FBXL7: variants seen among roughly 807,000 people sequenced by gnomAD.
The protein encoded by FBXL7 is F-box/LRR-repeat protein 7.
FBXL7 carries 12 observed loss-of-function variants against 38.3 expected under a neutral mutation model. The ratio of observed to expected loss-of-function variants is 0.31; its 90% CI spans 0.20 to 0.51. The LOEUF is 0.51. Ranked by LOEUF, FBXL7 falls within the 20% of genes least tolerant of loss-of-function variation. The probability of loss-of-function intolerance (pLI) is 0.98; values close to 1 mark genes in which losing one functional copy is unlikely to be tolerated. For missense variants in FBXL7, 567 were observed against 676.4 expected (o/e 0.84, Z 1.79); for synonymous variants, 297 against 300.9 (o/e 0.99, Z 0.13).
At chr5:15,620,750 G>A (rs571748076) in intron 2 of FBXL7, among the ~76,000 whole-genome samples, 7 of 152,192 alleles carry the variant, frequency 4.6e-5, no homozygotes, top group Admixed American at 3.3e-4. Flanking sequence ...AGCCTGGCAC[G>A]TGGTGCCTGG....
At chr5:15,620,987 C>G (rs1740622900) in intron 2 of FBXL7, among the ~76,000 whole-genome samples, 1 of 152,200 alleles carries the variant, frequency 6.6e-6, no homozygotes, top group Non-Finnish European at 1.5e-5. Flanking sequence ...ACTTTATGAT[C>G]TTCCTGTCTA....
At chr5:15,732,635 GGTACATA>G (rs1271012310) in intron 2 of FBXL7, among the ~76,000 whole-genome samples, 12 of 152,082 alleles carry the variant, frequency 7.9e-5, no homozygotes, top group Admixed American at 6.6e-4. Flanking sequence ...TCAGAATGAT[GGTACATA>G]GTTCATATAT....
chr5:15,696,289 A>G (rs73755514), intron 2 of FBXL7, among the ~76,000 whole-genome samples: 8,082 of 152,136 alleles, frequency 0.053, 224 homozygotes, highest in East Asian at 0.083. Flanking sequence ...GTAAAACAAC[A>G]TTGTCGTGCT....
chr5:15,891,746 A>G (rs548475597), intron 2 of FBXL7, among the ~76,000 whole-genome samples: 2 of 152,206 alleles, frequency 1.3e-5, no homozygotes, highest in African/African-American at 4.8e-5. Flanking sequence ...TGGCACATTC[A>G]AAGGAGAAAT....
chr5:15,533,541 T>C (rs556490314), intron 1 of FBXL7, among the ~76,000 whole-genome samples: 231 of 152,284 alleles, frequency 1.5e-3, no homozygotes, highest in Non-Finnish European at 2.5e-3. Flanking sequence ...AAAAAAGAAC[T>C]GATTGAATCA....
At chr5:15,604,863 G>A (rs1739953316) in intron 1 of FBXL7, among the ~76,000 whole-genome samples, 1 of 152,100 alleles carries the variant, frequency 6.6e-6, no homozygotes, top group South Asian at 2.1e-4. Flanking sequence ...AGAAAGTGAT[G>A]AGTCCCCATT....
chr5:15,589,314 T>C (rs1427476645), intron 1 of FBXL7, among the ~76,000 whole-genome samples: 1 of 152,134 alleles, frequency 6.6e-6, no homozygotes, highest in Non-Finnish European at 1.5e-5. Flanking sequence ...TGGGGGATGA[T>C]TGAATCTCGG....
At chr5:15,769,424 T>A (rs1168791037) in intron 2 of FBXL7, among the ~76,000 whole-genome samples, 2 of 152,174 alleles carry the variant, frequency 1.3e-5, no homozygotes, top group Admixed American at 1.3e-4. Context: ...CCTTCACTAA[T>A]CCATGCGCTA....
intron 2 of FBXL7, among the ~76,000 whole-genome samples, chr5:15,685,289 A>G (rs1191634528): frequency 2.0e-5 from 3 of 152,160 alleles, no homozygotes; most frequent in East Asian, 1.9e-4. Flanking sequence ...AAATATACCA[A>G]TGCATCTTGC....
Position 15,835,532 on chromosome 5 carries a change from G to A in FBXL7, c.128-92358G>A, listed in dbSNP as rs991559850. 4.6e-5 allele frequency among the ~76,000 whole-genome samples: 7 copies of A among 152,124 alleles called. No individual in the cohort carries two copies. In the East Asian group the frequency reaches 9.6e-4, roughly 21 times the overall value. The stretch of plus-strand genomic sequence containing the variant: ...GACTTTTTTTGAATGTCTACTAAGC[G>A]TTTTACTTGACACATGCTTCTCAGC... On this transcript the variant is annotated intron_variant, in intron 2 of 3. Coordinates refer to ENST00000504595, the MANE Select transcript of FBXL7 (RefSeq NM_012304.5).
At chr5:15,564,378 C>CTGTGTGTGTGTG (rs33993480) in intron 1 of FBXL7, among the ~76,000 whole-genome samples, 21 of 147,392 alleles carry the variant, frequency 1.4e-4, no homozygotes, top group African/African-American at 3.8e-4. Context: ...TCAGTAATAT[C>CTGTGTGTGTGTG]TGTGTGTGTG....
At chr5:15,693,559 G>A (rs1275519691) in intron 2 of FBXL7, among the ~76,000 whole-genome samples, 1 of 152,138 alleles carries the variant, frequency 6.6e-6, no homozygotes, top group East Asian at 1.9e-4. Context: ...GTGAGAATAG[G>A]CACTCTTGTT....
intron 2 of FBXL7, among the ~76,000 whole-genome samples, chr5:15,650,216 C>T (rs921573605): frequency 6.6e-6 from 1 of 152,148 alleles, no homozygotes; most frequent in Non-Finnish European, 1.5e-5. Flanking sequence ...TCCAGACCAC[C>T]ACAATAAAGC....
In FBXL7 at chr5:15,937,268, A is replaced by G. The variant is rs1356143482; in HGVS notation, c.*82A>G. ...TTAAAAGCAGCGTATGTAAGCACCG[A>G]CACCCACTCAAAACAGCTCTTTCTT... On this transcript the variant is annotated 3_prime_UTR_variant, in exon 4 of 4. Coordinates refer to ENST00000504595, the MANE Select transcript of FBXL7 (RefSeq NM_012304.5). 40 of 1,413,532 alleles carry G rather than the reference A, an allele frequency of 2.8e-5. No individual in the cohort carries two copies. Among genetic ancestry groups the G allele is most frequent in the Non-Finnish European group, 3.6e-5 (39 of 1,076,340 alleles). 87.6% of individuals were successfully genotyped at this position (1,413,532 alleles called of 1,614,324 possible).
chr5:15,805,764 A>C (rs1447111220), intron 2 of FBXL7, among the ~76,000 whole-genome samples: 1 of 152,234 alleles, frequency 6.6e-6, no homozygotes, highest in East Asian at 1.9e-4. Context: ...TAAGTTCTTC[A>C]TGATAACTTA....
At chr5:15,622,463 G>A (rs1740685214) in intron 2 of FBXL7, among the ~76,000 whole-genome samples, 1 of 152,086 alleles carries the variant, frequency 6.6e-6, no homozygotes, top group Non-Finnish European at 1.5e-5. Context: ...AGGCCCCGGT[G>A]TGTGATGTTC....
chr5:15,545,935 G>A (rs1310962744), intron 1 of FBXL7, among the ~76,000 whole-genome samples: 3 of 152,154 alleles, frequency 2.0e-5, no homozygotes, highest in African/African-American at 7.2e-5. Flanking sequence ...CTAGCCACAG[G>A]TGGCTACTGA....
chr5:15,591,288 G>C (rs1739466760), intron 1 of FBXL7, among the ~76,000 whole-genome samples: 1 of 152,092 alleles, frequency 6.6e-6, no homozygotes, highest in East Asian at 1.9e-4. Flanking sequence ...AGTTAGCTGG[G>C]CATGGTGGCG....
rs530958389 is a variant in FBXL7, at chr5:15,939,258, A to G, written c.*2072A>G. On this transcript the variant is annotated 3_prime_UTR_variant, in exon 4 of 4. Coordinates refer to ENST00000504595, the MANE Select transcript of FBXL7 (RefSeq NM_012304.5). Reference sequence around the variant, plus strand: ...GCCACAGAGTTTAAAACCATGAAAGAAGTTGAAGGCAGCATTCCTCAGCTC... The same window carrying G: ...GCCACAGAGTTTAAAACCATGAAAGGAGTTGAAGGCAGCATTCCTCAGCTC... 2.8e-5 allele frequency: 11 copies of G among 389,868 alleles called. No homozygotes were observed. The Admixed American group carries it at 4.0e-4, about 14-fold the overall frequency. The allele number at this position is 389,868 out of a possible 1,614,324, so 24.2% of individuals were successfully genotyped here. A position where few individuals can be genotyped will look rare whatever the true frequency, so the allele number is the denominator to read the frequency against.
Sources: allele counts gnomAD v4.1 joint callset (sites outside exome capture counted in the v4.1 genomes callset), GRCh38; gene constraint gnomAD v4.1.1; transcripts MANE v1.5; gene names NCBI Gene and HGNC (gene_info 2026-07-23, HGNC 2026-07-21).